Variants in OGFOD3 observed in about 807,000 individuals in gnomAD.
OGFOD3 encodes 2-oxoglutarate and iron-dependent oxygenase domain-containing protein 3.
OGFOD3 carries 35 observed loss-of-function variants against 39.8 expected under a neutral mutation model. The observed-to-expected ratio is 0.88, with a 90% confidence interval of 0.67 to 1.17. OGFOD3 has a LOEUF of 1.17. Among genes scored for constraint, OGFOD3 ranks in the 50% most tolerant of loss-of-function variants. The pLI is 0.00. For synonymous variants in OGFOD3, 200 were observed against 192.0 expected, an observed-to-expected ratio of 1.04 and a Z score of -0.34; for missense variants, 438 against 454.5, an observed-to-expected ratio of 0.96 and a Z score of 0.33.
At chr17:82,414,837 C>T (rs552936563) in intron 2 of OGFOD3, among the ~76,000 whole-genome samples, 1 of 152,328 alleles carries the variant, frequency 6.6e-6, no homozygotes, top group African/African-American at 2.4e-5. Context: ...AAAACAGAAG[C>T]GACAGGAGGC....
In OGFOD3 at chr17:82,392,246, C is replaced by T; in HGVS notation, c.*152G>A. The T allele has an allele frequency of 1.2e-6, 1 of 854,294 alleles. No individual in the cohort carries two copies. Among genetic ancestry groups the T allele is most frequent in the Non-Finnish European group, 1.8e-6 (1 of 563,604 alleles). The allele number at this position is 854,294 out of a possible 1,614,324, so 52.9% of individuals were successfully genotyped here. On this transcript the variant is annotated 3_prime_UTR_variant, in exon 9 of 9. Transcript: ENST00000313056. The surrounding 1 kb of genome is among the most constrained non-coding windows in gnomAD (Gnocchi z 4.2). ...AAAGCTGGTTCCCTTCATTTACTCA[C>T]AGATGAAAAGATTAACACGTCAGCA...
chr17:82,394,308 G>A (rs1221664967), intron 8 of OGFOD3: 1 of 1,512,544 alleles, frequency 6.6e-7, no homozygotes, highest in Non-Finnish European at 8.9e-7. Context: ...ACTTTCTTTA[G>A]TAAATGACTA....
At position 82,406,585 on chromosome 17, in the gene OGFOD3, C is replaced by T. The variant is rs992359952; in HGVS notation, c.424-103G>A. ...GAGTTTCCAAGGTCTGGCCAGCACA[C>T]ACCTCAGGTGTTTTTTTGTTTTTGT... On this transcript the variant is annotated intron_variant, in intron 4 of 8. Transcript: ENST00000313056. This position sits in a 1 kb window ranked among gnomAD's most constrained non-coding sequence, Gnocchi z 5.2. 1 of 952,018 alleles carries T rather than the reference C, an allele frequency of 1.1e-6. No individual in the cohort carries two copies. 59.0% of individuals were successfully genotyped at this position (952,018 alleles called of 1,614,324 possible).
intron 8 of OGFOD3, 119 bp downstream of exon 8, chr17:82,398,077 G>T (rs1480093638): frequency 3.9e-6 from 5 of 1,294,316 alleles, no homozygotes; most frequent in Non-Finnish European, 5.5e-6. Flanking sequence ...CTCAGCACCG[G>T]CCCGGCACAC....
At chr17:82,405,868 T>C (rs2052846942) in intron 5 of OGFOD3, among the ~76,000 whole-genome samples, 1 of 152,142 alleles carries the variant, frequency 6.6e-6, no homozygotes, top group South Asian at 2.1e-4. Flanking sequence ...GAAAATTGCT[T>C]GAACCCAGGA....
Position 82,415,560 on chromosome 17 carries a change from C to T in OGFOD3, c.142G>A (p.Gly48Ser). The T allele has an allele frequency of 6.2e-7, 1 of 1,613,498 alleles. No homozygotes were observed. Among genetic ancestry groups the T allele is most frequent in the Admixed American group, 1.7e-5 (1 of 60,016 alleles). Residue 48 changes from glycine (G) to serine (S), a missense_variant, in exon 2 of 9, where the codon GGC becomes AGC. Transcript: ENST00000313056. The surrounding 1 kb of genome is among the most constrained non-coding windows in gnomAD (Gnocchi z 5.3). ...GTGAGCACAAAGCCAGCCCCCAGGC[C>T]CGCGGTCCTTAGCCACGGCCTCTGC... ...LWQRPWLRTA[G>S]LGAGFVLTAL...
At chr17:82,413,886 A>C (rs941644144) in intron 2 of OGFOD3, among the ~76,000 whole-genome samples, 1 of 151,726 alleles carries the variant, frequency 6.6e-6, no homozygotes, top group Non-Finnish European at 1.5e-5. Context: ...TCCAAAAAAA[A>C]AAAAAAGAAG....
At chr17:82,417,332 G>C (rs1308709230) in intron 1 of OGFOD3, 1 of 152,136 alleles carries the variant, frequency 6.6e-6, no homozygotes, top group South Asian at 2.1e-4. Flanking sequence ...AAAAATTATA[G>C]CTGTGGCCAG....
chr17:82,415,736 A>G lies in OGFOD3; in HGVS notation c.75-109T>C. On this transcript the variant is annotated intron_variant, in intron 1 of 8. Transcript: ENST00000313056. The surrounding 1 kb of genome is among the most constrained non-coding windows in gnomAD (Gnocchi z 5.3). ...ATGACCCGGCCTTCACTCACACGTC[A>G]CCCCTGAAACGAGGGCTTCCTGCCT... The G allele has an allele frequency of 1.0e-6, 1 of 960,892 alleles. No homozygotes were observed. The highest frequency in any genetic ancestry group is 1.5e-6 in the Non-Finnish European group (1 of 661,090). The allele number at this position is 960,892 out of a possible 1,614,324, so 59.5% of individuals were successfully genotyped here.
intron 1 of OGFOD3, among the ~76,000 whole-genome samples, chr17:82,416,200 C>T (rs2053031662): frequency 6.6e-6 from 1 of 152,232 alleles, no homozygotes; most frequent in African/African-American, 2.4e-5. Context: ...TGTGCCATTG[C>T]ACTCCAGCCT....
chr17:82,410,862 G>GC, intron 3 of OGFOD3, among the ~76,000 whole-genome samples: 1 of 151,392 alleles, frequency 6.6e-6, no homozygotes, highest in East Asian at 1.9e-4. Context: ...GGGATTACAG[G>GC]AGTGTGCCAT....
In OGFOD3 at chr17:82,394,691, G is replaced by A. The variant is rs926603541; in HGVS notation, c.824-2157C>T. ...GCCCTCAGAACATCCTGCCTGATAGGAGAACCTCTGTTTACCAGGGACCTA... is the reference window on the plus strand; with the variant it reads ...GCCCTCAGAACATCCTGCCTGATAGAAGAACCTCTGTTTACCAGGGACCTA... On this transcript the variant is annotated intron_variant, in intron 8 of 8. Coordinates refer to ENST00000313056, the MANE Select transcript of OGFOD3 (RefSeq NM_024648.3). 5 of 580,776 alleles carry A rather than the reference G, an allele frequency of 8.6e-6. No individual in the cohort carries two copies. The African/African-American group carries it at 9.4e-5, about 11-fold the overall frequency. The allele number at this position is 580,776 out of a possible 1,614,324, so 36.0% of individuals were successfully genotyped here. A position where few individuals can be genotyped will look rare whatever the true frequency, so the allele number is the denominator to read the frequency against.
At chr17:82,408,223 C>G (rs1409444953) in intron 4 of OGFOD3, among the ~76,000 whole-genome samples, 8 of 152,222 alleles carry the variant, frequency 5.3e-5, no homozygotes, top group Admixed American at 4.6e-4. Flanking sequence ...CAGACCATCA[C>G]AGAAATACTT....
At position 82,418,583 on chromosome 17, in the gene OGFOD3, G is replaced by C. The variant is rs989676568; in HGVS notation, c.-98C>G. ...CGAGGCAGGCACGGCGCAGGGACGCGAGTGCGACGCGCTCGGCCATCGGCC... is the reference window on the plus strand; with the variant it reads ...CGAGGCAGGCACGGCGCAGGGACGCCAGTGCGACGCGCTCGGCCATCGGCC... On this transcript the variant is annotated 5_prime_UTR_variant, in exon 1 of 9. Transcript: ENST00000313056. 9.2e-6 allele frequency: 5 copies of C among 546,318 alleles called. No individual in the cohort carries two copies. Among genetic ancestry groups the C allele is most frequent in the Non-Finnish European group, 1.1e-5 (4 of 373,812 alleles). 33.8% of individuals were successfully genotyped at this position (546,318 alleles called of 1,614,324 possible).
At chr17:82,401,797 C>T (rs911211430) in intron 7 of OGFOD3, among the ~76,000 whole-genome samples, 16 of 70,724 alleles carry the variant, frequency 2.3e-4, no homozygotes, top group Non-Finnish European at 4.1e-4. Flanking sequence ...GAGCAAGACT[C>T]CATCTCAAAA....
intron 7 of OGFOD3, among the ~76,000 whole-genome samples, chr17:82,403,136 A>G (rs1193338755): frequency 6.6e-6 from 1 of 152,222 alleles, no homozygotes; most frequent in Non-Finnish European, 1.5e-5. Flanking sequence ...TGGGCCACAG[A>G]GAGCATGAGT....
intron 3 of OGFOD3, among the ~76,000 whole-genome samples, chr17:82,410,657 T>C (rs1339366158): frequency 4.6e-5 from 7 of 151,312 alleles, no homozygotes; most frequent in Non-Finnish European, 1.0e-4. Context: ...AGGGCCATGG[T>C]CTCCTCTCCT....
rs1186151366 is a variant in OGFOD3, at chr17:82,390,584, C to G, written c.*1814G>C. The G allele has an allele frequency of 6.1e-6, 1 of 163,546 alleles. No individual in the cohort carries two copies. The highest frequency in any genetic ancestry group is 1.3e-5 in the Non-Finnish European group (1 of 74,754). The allele number at this position is 163,546 out of a possible 1,614,324, so 10.1% of individuals were successfully genotyped here. A position where few individuals can be genotyped will look rare whatever the true frequency, so the allele number is the denominator to read the frequency against. On this transcript the variant is annotated 3_prime_UTR_variant, in exon 9 of 9. Transcript: ENST00000313056. The surrounding 1 kb of genome is among the most constrained non-coding windows in gnomAD (Gnocchi z 4.9). ...GCCCCATCTGCCCAGAGCCTGCAGC[C>G]CTGACCAAGGAGGGTTCCCCATACA...
At chr17:82,417,223 G>A (rs2053072347) in intron 1 of OGFOD3, 1 of 152,152 alleles carries the variant, frequency 6.6e-6, no homozygotes, top group Admixed American at 6.6e-5. Flanking sequence ...AATTATAGTT[G>A]CAAGCTAGTC....
Sources: gnomAD v4.1 joint callset for allele counts (sites outside exome capture counted in the v4.1 genomes callset) on GRCh38, gnomAD v4.1.1 for gene constraint, Gnocchi (gnomAD v3.1) non-coding constraint, MANE v1.5 for transcripts, NCBI Gene and HGNC (gene_info 2026-07-23, HGNC 2026-07-21) for gene names.